The following TYW1 variants were observed in gnomAD, a reference collection of about 807,000 sequenced individuals.
TYW1 encodes the protein S-adenosyl-L-methionine-dependent tRNA 4-demethylwyosine synthase TYW1.
TYW1 carries 46 observed loss-of-function variants against 96.2 expected under a neutral mutation model. The ratio of observed to expected loss-of-function variants is 0.48; its 90% CI spans 0.38 to 0.61. The LOEUF is 0.61. Among genes scored for constraint, TYW1 ranks in the 20% least tolerant of loss-of-function variants. TYW1 has a pLI of 0.00. For synonymous variants in TYW1, 274 were observed against 323.0 expected, an observed-to-expected ratio of 0.85 and a Z score of 1.63; for missense variants, 684 against 909.6, an observed-to-expected ratio of 0.75 and a Z score of 3.19.
At chr7:67,154,445 C>T (rs1221237492) in intron 13 of TYW1, among the ~76,000 whole-genome samples, 1 of 149,160 alleles carries the variant, frequency 6.7e-6, no homozygotes, top group African/African-American at 2.5e-5. Context: ...ATTTCTCCTT[C>T]ATTTCTGAAG....
At chr7:67,214,712 C>T (rs1203746967) in intron 15 of TYW1, among the ~76,000 whole-genome samples, 1 of 150,828 alleles carries the variant, frequency 6.6e-6, no homozygotes, top group Non-Finnish European at 1.5e-5. Flanking sequence ...AATCATAAAT[C>T]AGTTACAATT....
chr7:67,102,469 C>G (rs1011027667), intron 12 of TYW1, among the ~76,000 whole-genome samples: 1 of 152,046 alleles, frequency 6.6e-6, no homozygotes, highest in African/African-American at 2.4e-5. Flanking sequence ...TCTTCATTTA[C>G]TAAACCTGAC....
At chr7:67,176,676 G>A (rs572168630) in intron 13 of TYW1, among the ~76,000 whole-genome samples, 36 of 152,292 alleles carry the variant, frequency 2.4e-4, no homozygotes, top group African/African-American at 8.7e-4. Context: ...GTATATGTTT[G>A]TGGAAATTAA....
Position 67,009,617 on chromosome 7 carries a change from C to T in TYW1, c.308C>T (p.Ser103Phe). ...ACAGTTCTTGCTGAAGCAGTTACAT[C>T]CCTGGATCTGCCTGTGGCCATTATT... is the stretch of plus-strand genomic sequence containing the variant. ...FATVLAEAVT[S>F]LDLPVAIINL... The change falls in exon 4 of 16, where the codon TCC becomes TTC. Residue 103 changes from serine to phenylalanine, a missense_variant. Physicochemically the swap from Ser to Phe is radical, Grantham distance 155. Coordinates refer to ENST00000359626, the MANE Select transcript of TYW1 (RefSeq NM_018264.4). 3.1e-6 allele frequency: 5 copies of T among 1,612,404 alleles called. No homozygotes were observed. Among genetic ancestry groups the T allele is most frequent in the Non-Finnish European group, 3.4e-6 (4 of 1,179,668 alleles).
intron 13 of TYW1, among the ~76,000 whole-genome samples, chr7:67,149,722 A>ATATCTATCTATCTATCTATC (rs59266321): frequency 1.1e-3 from 156 of 140,224 alleles, no homozygotes; most frequent in East Asian, 3.4e-3. Flanking sequence ...AGGAAAAAAA[A>ATATCTATCTATCTATCTATC]TATCTATCTA....
At chr7:67,105,886 C>CTTTTTTTT (rs11330425) in intron 12 of TYW1, among the ~76,000 whole-genome samples, 1 of 61,396 alleles carries the variant, frequency 1.6e-5, no homozygotes, top group Non-Finnish European at 2.9e-5. Flanking sequence ...AGAGAATATT[C>CTTTTTTTT]TTTTTTTTTT....
rs746757289 is a variant in TYW1 at position 67,098,498 on chromosome 7, T to C, written c.1385-43T>C. 3.3e-6 allele frequency: 5 copies of C among 1,508,216 alleles called. No individual in the cohort carries two copies. In the African/African-American group the frequency reaches 5.6e-5, roughly 17 times the overall value. 93.4% of individuals were successfully genotyped at this position (1,508,216 alleles called of 1,614,324 possible). A position where few individuals can be genotyped will look rare whatever the true frequency, so the allele number is the denominator to read the frequency against. On this transcript the variant is annotated intron_variant, in intron 11 of 15. Coordinates refer to ENST00000359626, the MANE Select transcript of TYW1 (RefSeq NM_018264.4). The stretch of plus-strand genomic sequence containing the variant: ...AGAAAAACGTAAGTGACATCCTCTA[T>C]CTGTGCCTTATGTAGCTGGGTCCTT...
At chr7:67,043,359 CTT>C (rs35321806) in intron 7 of TYW1, among the ~76,000 whole-genome samples, 9,436 of 142,966 alleles carry the variant, frequency 0.066, 405 homozygotes, top group South Asian at 0.12. Context: ...CCCATTGCTA[CTT>C]TTTTTTTTTT....
chr7:67,104,988 G>C (rs1797192629), intron 12 of TYW1, among the ~76,000 whole-genome samples: 1 of 152,238 alleles, frequency 6.6e-6, no homozygotes, highest in African/African-American at 2.4e-5. Flanking sequence ...TGATGGGCTG[G>C]GCTGGGGCCC....
At chr7:67,082,661 AGTGGTGGACACTGGGGAGCT>A (rs1444432111) in intron 10 of TYW1, among the ~76,000 whole-genome samples, 1 of 151,328 alleles carries the variant, frequency 6.6e-6, no homozygotes, top group Admixed American at 6.6e-5. Flanking sequence ...GATGGTTGGC[AGTGGTGGACACTGGGGAGCT>A]GGTCCTTGGG....
At chr7:67,114,170 T>G (rs1797517836) in intron 12 of TYW1, among the ~76,000 whole-genome samples, 1 of 152,216 alleles carries the variant, frequency 6.6e-6, no homozygotes, top group African/African-American at 2.4e-5. Flanking sequence ...GCTATTTGGC[T>G]TGATCTGACA....
At chr7:67,011,867 C>G (rs1414264315) in intron 4 of TYW1, among the ~76,000 whole-genome samples, 1 of 148,252 alleles carries the variant, frequency 6.7e-6, no homozygotes, top group Non-Finnish European at 1.5e-5. Flanking sequence ...AAGCAAATCT[C>G]CGTCTCAAAA....
At chr7:67,095,518 C>T (rs576327967) in intron 11 of TYW1, among the ~76,000 whole-genome samples, 1 of 151,472 alleles carries the variant, frequency 6.6e-6, no homozygotes, top group African/African-American at 2.4e-5. Context: ...ATTAGACAGA[C>T]GTGGTGGTGT....
chr7:67,094,030 A>G (rs562824635), intron 11 of TYW1, among the ~76,000 whole-genome samples: 4 of 152,176 alleles, frequency 2.6e-5, no homozygotes, highest in South Asian at 2.1e-4. Flanking sequence ...TCTAGTCTCT[A>G]TTATTTCCAT....
At chr7:67,047,330 A>C (rs34157075) in intron 7 of TYW1, among the ~76,000 whole-genome samples, 36,933 of 152,122 alleles carry the variant, frequency 0.24, 4,761 homozygotes, top group African/African-American at 0.32. Context: ...CAGGAGTTTG[A>C]GACCAGCGTG....
At chr7:67,210,777 T>C (rs753146063) in intron 15 of TYW1, among the ~76,000 whole-genome samples, 19 of 151,244 alleles carry the variant, frequency 1.3e-4, no homozygotes, top group Non-Finnish European at 2.5e-4. Flanking sequence ...CATCCATCCA[T>C]CCATCCGTCC....
At chr7:67,113,068 C>T (rs566214903) in intron 12 of TYW1, among the ~76,000 whole-genome samples, 2 of 152,094 alleles carry the variant, frequency 1.3e-5, no homozygotes, top group Non-Finnish European at 2.9e-5. Context: ...TTTGGACATC[C>T]GTGGAAATGA....
intron 15 of TYW1, among the ~76,000 whole-genome samples, chr7:67,220,784 C>T (rs1424903510): frequency 6.7e-6 from 1 of 150,164 alleles, no homozygotes; most frequent in Non-Finnish European, 1.5e-5. Context: ...GTTGCCCAGG[C>T]TGGAGTGCAA....
intron 10 of TYW1, among the ~76,000 whole-genome samples, chr7:67,078,406 T>G (rs1447553029): frequency 2.6e-5 from 4 of 152,170 alleles, no homozygotes; most frequent in Admixed American, 2.6e-4. Context: ...TAGTATATTT[T>G]GAAGTCATGT....
Sources: allele counts gnomAD v4.1 joint callset (sites outside exome capture counted in the v4.1 genomes callset), GRCh38; gene constraint gnomAD v4.1.1; transcripts MANE v1.5; gene names NCBI Gene and HGNC (gene_info 2026-07-23, HGNC 2026-07-21).